The following MYLK variants were observed in gnomAD, a reference collection of about 807,000 sequenced individuals.
MYLK encodes the protein myosin light chain kinase, smooth muscle.
MYLK carries 106 observed loss-of-function variants against 203.4 expected under a neutral mutation model. The ratio of observed to expected loss-of-function variants is 0.52; its 90% CI spans 0.45 to 0.61. MYLK has a LOEUF of 0.61. Among genes scored for constraint, MYLK ranks in the 20% least tolerant of loss-of-function variants. The pLI is 0.00. For synonymous variants in MYLK, 867 were observed against 959.5 expected, an observed-to-expected ratio of 0.90 and a Z score of 1.78; for missense variants, 2,072 against 2,442.3, an observed-to-expected ratio of 0.85 and a Z score of 3.20.
intron 3 of MYLK, among the ~76,000 whole-genome samples, chr3:123,819,249 AG>A: frequency 6.6e-6 from 1 of 152,324 alleles, no homozygotes; most frequent in Non-Finnish European, 1.5e-5. Context: ...CAGCCTTCAA[AG>A]AGAGAGTTTC....
At chr3:123,875,257 G>T (rs1308410047) in intron 2 of MYLK, among the ~76,000 whole-genome samples, 1 of 152,152 alleles carries the variant, frequency 6.6e-6, no homozygotes, top group Non-Finnish European at 1.5e-5. Context: ...ACGGTGATAC[G>T]TCTTTACAAT....
chr3:123,632,351 G>C (rs977453183), intron 29 of MYLK, among the ~76,000 whole-genome samples: 10 of 152,170 alleles, frequency 6.6e-5, no homozygotes, highest in African/African-American at 1.9e-4. Flanking sequence ...GAAACAGAGA[G>C]GGGGGAAGTC....
chr3:123,679,535 G>A (rs1440613352), intron 20 of MYLK, among the ~76,000 whole-genome samples: 1 of 152,008 alleles, frequency 6.6e-6, no homozygotes, highest in Non-Finnish European at 1.5e-5. Context: ...TGGAGTAACA[G>A]AGATTGGAGG....
rs1334318879 is a variant in MYLK at position 123,646,515 on chromosome 3, GTGTGTGTGTGTGCA to G, written c.4619+695_4619+708del. 4.6e-5 allele frequency among the ~76,000 whole-genome samples: 7 copies of G among 152,190 alleles called. No individual in the cohort carries two copies. In the South Asian group the frequency reaches 6.2e-4, roughly 14 times the overall value. Reference sequence around the variant, plus strand: ...TGCCAGTGTGCATGCTTGACTGTATGTGTGTGTGTGTGCATGTGTGTGTGTGCGTGTGTACACGC... The same window carrying G: ...TGCCAGTGTGCATGCTTGACTGTATGTGTGTGTGTGTGCGTGTGTACACGC... On this transcript the variant is annotated intron_variant, in intron 27 of 33. Transcript: ENST00000360304.
At chr3:123,769,301 C>A (rs1666098795) in intron 4 of MYLK, among the ~76,000 whole-genome samples, 1 of 152,310 alleles carries the variant, frequency 6.6e-6, no homozygotes, top group Middle Eastern at 3.4e-3. Flanking sequence ...GATAACTTTA[C>A]TGGAAAAATG....
chr3:123,825,301 C>A (rs1226342479), intron 3 of MYLK, among the ~76,000 whole-genome samples: 1 of 152,156 alleles, frequency 6.6e-6, no homozygotes, highest in Non-Finnish European at 1.5e-5. Flanking sequence ...AGTAGCAGGG[C>A]ATGGAGATAC....
At chr3:123,848,886 G>A (rs1464875382) in intron 2 of MYLK, among the ~76,000 whole-genome samples, 2 of 152,078 alleles carry the variant, frequency 1.3e-5, no homozygotes, top group African/African-American at 4.8e-5. Context: ...AAACCCCTAG[G>A]TCATTAAAGC....
intron 2 of MYLK, among the ~76,000 whole-genome samples, chr3:123,841,353 A>G (rs2066587963): frequency 6.6e-6 from 1 of 152,174 alleles, no homozygotes; most frequent in Non-Finnish European, 1.5e-5. Flanking sequence ...GAAATATGAG[A>G]TTAATCTATA....
At chr3:123,758,252 G>C (rs1478352594) in intron 4 of MYLK, among the ~76,000 whole-genome samples, 1 of 152,150 alleles carries the variant, frequency 6.6e-6, no homozygotes, top group African/African-American at 2.4e-5. Context: ...CTTAATTAAG[G>C]CTTTGAATAA....
At chr3:123,637,709 C>T (rs934600796) in intron 29 of MYLK, among the ~76,000 whole-genome samples, 1 of 152,104 alleles carries the variant, frequency 6.6e-6, no homozygotes, top group African/African-American at 2.4e-5. Context: ...GGCCTCCTGC[C>T]CTCCTTCTTT....
At chr3:123,636,663 T>C (rs1481109971) in intron 29 of MYLK, among the ~76,000 whole-genome samples, 1 of 152,166 alleles carries the variant, frequency 6.6e-6, no homozygotes, top group African/African-American at 2.4e-5. Context: ...TCCTTACTTA[T>C]CTAGGGAGCC....
intron 5 of MYLK, among the ~76,000 whole-genome samples, chr3:123,741,237 A>G (rs971687719): frequency 6.6e-6 from 1 of 152,180 alleles, no homozygotes; most frequent in Non-Finnish European, 1.5e-5. Flanking sequence ...GAGGAGAAAA[A>G]TCATGGCTAT....
Position 123,701,006 on chromosome 3 carries a change from C to T in MYLK, c.2463-1G>A. 1.2e-6 allele frequency: 2 copies of T among 1,603,162 alleles called. No homozygotes were observed. The highest frequency in any genetic ancestry group is 1.7e-6 in the Non-Finnish European group (2 of 1,179,910). On this transcript the variant is annotated splice_acceptor_variant, in intron 17 of 33. Transcript: ENST00000360304. LOFTEE classifies it high-confidence loss of function. ...CTCGCAGCTGGCAGGCTCCCTCCCC[C>T]TGCAACCAGTGTAGGGAAAAAGGAA...
chr3:123,703,745 C>T (rs563029578), intron 16 of MYLK, among the ~76,000 whole-genome samples: 1 of 152,362 alleles, frequency 6.6e-6, no homozygotes, highest in South Asian at 2.1e-4. Context: ...CTTTTCCTAC[C>T]TTTAAGCACA....
At chr3:123,818,484 G>T (rs1464889264) in intron 3 of MYLK, among the ~76,000 whole-genome samples, 1 of 152,070 alleles carries the variant, frequency 6.6e-6, no homozygotes, top group Non-Finnish European at 1.5e-5. Context: ...GAGCCCAGGA[G>T]GTCGAGACAA....
intron 2 of MYLK, among the ~76,000 whole-genome samples, chr3:123,871,000 G>T (rs369537216): frequency 6.6e-6 from 1 of 152,088 alleles, no homozygotes; most frequent in South Asian, 2.1e-4. Flanking sequence ...GACTGTCAGG[G>T]TGGGAAGACC....
intron 19 of MYLK, among the ~76,000 whole-genome samples, chr3:123,689,479 C>A (rs1194513829): frequency 6.6e-6 from 1 of 152,062 alleles, no homozygotes; most frequent in Non-Finnish European, 1.5e-5. Context: ...GGTTTCAGAG[C>A]CAGACCACTG....
intron 16 of MYLK, among the ~76,000 whole-genome samples, chr3:123,707,041 A>AC (rs2061486698): frequency 6.6e-6 from 1 of 152,214 alleles, no homozygotes; most frequent in African/African-American, 2.4e-5. Context: ...CTTAAAAGAC[A>AC]CTGCAAGCTC....
chr3:123,816,634 A>G (rs1476032751), intron 3 of MYLK, among the ~76,000 whole-genome samples: 1 of 152,368 alleles, frequency 6.6e-6, no homozygotes, highest in East Asian at 1.9e-4. Context: ...AGAGAGGGAA[A>G]AAAAACTAGA....
Sources: gnomAD v4.1 joint callset for allele counts (sites outside exome capture counted in the v4.1 genomes callset) on GRCh38, gnomAD v4.1.1 for gene constraint, MANE v1.5 for transcripts, NCBI Gene and HGNC (gene_info 2026-07-23, HGNC 2026-07-21) for gene names.